Variants in AAK1 observed in about 807,000 individuals in gnomAD.
The protein encoded by AAK1 is AP2-associated protein kinase 1.
AAK1 carries 37 observed loss-of-function variants against 116.0 expected under a neutral mutation model. The ratio of observed to expected loss-of-function variants is 0.32; its 90% confidence interval spans 0.25 to 0.42. AAK1 has a LOEUF of 0.42. Among genes scored for constraint, AAK1 ranks in the 10% least tolerant of loss-of-function variants. The pLI is 1.00. For missense variants in AAK1, 919 were observed against 1,170.6 expected, an observed-to-expected ratio of 0.79 and a Z score of 3.14; for synonymous variants, 458 against 439.9, an observed-to-expected ratio of 1.04 and a Z score of -0.51.
chr2:69,519,118 T>C lies in AAK1; in HGVS notation c.1333A>G (p.Thr445Ala). 1 of 1,557,936 alleles carries C rather than the reference T, an allele frequency of 6.4e-7. No homozygotes were observed. The highest frequency in any genetic ancestry group is 1.7e-4 in the Middle Eastern group (1 of 6,002). The change falls in exon 12 of 22, where the codon ACG becomes GCG. Residue 445 changes from threonine to alanine, a missense_variant. By Grantham distance (58) the Thr-to-Ala change is moderately conservative. This residue lies in a region of AAK1 where 214 missense variants were observed against 210.6 expected (regional missense o/e 1.02). Transcript: ENST00000409085. ...AGACCCTGGGCCTGAGTAGAAGGCGTCTGCTGTGGAGTGGGAGGAGCCTGT... is the reference window on the plus strand; with the variant it reads ...AGACCCTGGGCCTGAGTAGAAGGCGCCTGCTGTGGAGTGGGAGGAGCCTGT... ...QPQAPPTPQQ[T>A]PSTQAQGLPA...
At chr2:69,560,162 A>G (rs775707233) in intron 2 of AAK1, among the ~76,000 whole-genome samples, 2 of 152,252 alleles carry the variant, frequency 1.3e-5, no homozygotes, top group Non-Finnish European at 2.9e-5. Flanking sequence ...GCCTAACAGG[A>G]CTTGTCAGTC....
At chr2:69,570,299 T>C (rs573646601) in intron 2 of AAK1, among the ~76,000 whole-genome samples, 1 of 151,810 alleles carries the variant, frequency 6.6e-6, no homozygotes, top group Non-Finnish European at 1.5e-5. Context: ...AGTCTTCTGC[T>C]TGACAAAATG....
At chr2:69,640,739 C>T (rs3899666) in intron 2 of AAK1, among the ~76,000 whole-genome samples, 56,429 of 152,104 alleles carry the variant, frequency 0.37, 11,781 homozygotes, top group East Asian at 0.78. Context: ...CATTCTCTCT[C>T]GCTACTCTGT....
intron 16 of AAK1, 80 bp downstream of exon 16, chr2:69,505,489 G>T: frequency 1.9e-6 from 2 of 1,074,372 alleles, no homozygotes; most frequent in Non-Finnish European, 2.8e-6. Context: ...TCACTGGCAT[G>T]CTAGAGTTAT....
At chr2:69,623,106 A>C (rs1278080176) in intron 2 of AAK1, among the ~76,000 whole-genome samples, 1 of 152,090 alleles carries the variant, frequency 6.6e-6, no homozygotes, top group Non-Finnish European at 1.5e-5. Flanking sequence ...TTGGGTCCAC[A>C]CTGCCTTTAT....
chr2:69,583,697 C>T (rs1672639356), intron 2 of AAK1, among the ~76,000 whole-genome samples: 3 of 152,204 alleles, frequency 2.0e-5, no homozygotes, highest in Admixed American at 2.0e-4. Context: ...TCACCTGCCA[C>T]TTTCTTGATA....
chr2:69,595,009 C>A, intron 2 of AAK1: 2 of 758,142 alleles, frequency 2.6e-6, no homozygotes, highest in Non-Finnish European at 4.8e-6. Flanking sequence ...GGGGTTGGTG[C>A]TTGCCACACT....
intron 2 of AAK1, among the ~76,000 whole-genome samples, chr2:69,625,221 C>T (rs926437184): frequency 2.0e-5 from 3 of 152,180 alleles, no homozygotes; most frequent in Admixed American, 2.0e-4. Context: ...CATCCAGTGT[C>T]CAGTCCACAG....
chr2:69,572,655 T>C (rs544393513), intron 2 of AAK1, among the ~76,000 whole-genome samples: 38 of 150,962 alleles, frequency 2.5e-4, no homozygotes, highest in Non-Finnish European at 3.7e-4. Context: ...CATACAAATA[T>C]TCTTTATCTT....
chr2:69,628,263 T>C (rs1223731957), intron 2 of AAK1, among the ~76,000 whole-genome samples: 3 of 151,132 alleles, frequency 2.0e-5, no homozygotes, highest in Non-Finnish European at 4.4e-5. Context: ...CTGGGCAACA[T>C]AGCAAAACCC....
In AAK1 at chr2:69,473,907, A is replaced by G. The variant is rs1479589645; in HGVS notation, c.*1962T>C. 1.0e-6 allele frequency: 1 copy of G among 985,718 alleles called. No homozygotes were observed. The highest frequency in any genetic ancestry group is 1.7e-5 in the African/African-American group (1 of 57,234). 61.1% of individuals were successfully genotyped at this position (985,718 alleles called of 1,614,324 possible). On this transcript the variant is annotated 3_prime_UTR_variant, in exon 22 of 22. Coordinates refer to ENST00000409085, the MANE Select transcript of AAK1 (RefSeq NM_014911.5). ...TAAACCAAGTCCTATTTTCACTGCT[A>G]TCCAACCACAGAGAGCCCTTCGTGG...
At chr2:69,489,850 T>C (rs934633445) in intron 17 of AAK1, among the ~76,000 whole-genome samples, 20 of 152,182 alleles carry the variant, frequency 1.3e-4, no homozygotes, top group African/African-American at 4.8e-4. Context: ...CAAGTTCATT[T>C]TAGAGAATTA....
In AAK1 at chr2:69,468,998, A is replaced by G. The variant is rs773164058; in HGVS notation, c.*6871T>C. ...CAAAAACAGTCACAAAAACACCAGA[A>G]TATCAAGTTTGAAGGGAAAATTAGT... is the stretch of plus-strand genomic sequence containing the variant. On this transcript the variant is annotated 3_prime_UTR_variant, in exon 22 of 22. Coordinates refer to ENST00000409085, the MANE Select transcript of AAK1 (RefSeq NM_014911.5). 76 of 985,462 alleles carry G rather than the reference A, an allele frequency of 7.7e-5. No homozygotes were observed. The highest frequency in any genetic ancestry group is 7.7e-5 in the Non-Finnish European group (64 of 829,934). The allele number at this position is 985,462 out of a possible 1,614,324, so 61.0% of individuals were successfully genotyped here. A position where few individuals can be genotyped will look rare whatever the true frequency, so the allele number is the denominator to read the frequency against.
intron 13 of AAK1, among the ~76,000 whole-genome samples, chr2:69,513,990 GGTAAGCAGGCCCTT>G (rs1676488232): frequency 6.6e-6 from 1 of 152,194 alleles, no homozygotes; most frequent in Non-Finnish European, 1.5e-5. Context: ...AATGGTCTCA[GGTAAGCAGGCCCTT>G]GACGGGAGCT....
At chr2:69,598,516 C>CTT in intron 2 of AAK1, 2 of 149,642 alleles carry the variant, frequency 1.3e-5, no homozygotes, top group Non-Finnish European at 3.0e-5. Context: ...TTTTCTTTTT[C>CTT]TTTTTTTTTT....
intron 2 of AAK1, among the ~76,000 whole-genome samples, chr2:69,583,729 A>T (rs6723865): frequency 0.028 from 4,257 of 152,124 alleles, 209 homozygotes; most frequent in African/African-American, 0.097. Context: ...TTTTCATCTG[A>T]TTCTTGGCCC....
At chr2:69,594,230 T>C (rs1371096001) in intron 2 of AAK1, among the ~76,000 whole-genome samples, 2 of 152,162 alleles carry the variant, frequency 1.3e-5, no homozygotes, top group Non-Finnish European at 2.9e-5. Flanking sequence ...ATAACACATA[T>C]ATCCAAAGAC....
intron 2 of AAK1, among the ~76,000 whole-genome samples, chr2:69,641,452 A>T (rs1322476634): frequency 6.6e-6 from 1 of 152,226 alleles, no homozygotes; most frequent in African/African-American, 2.4e-5. Flanking sequence ...CACGGGAAAG[A>T]TCCAAGGGGA....
intron 2 of AAK1, among the ~76,000 whole-genome samples, chr2:69,557,219 AAAG>A (rs1215942428): frequency 1.3e-5 from 2 of 152,200 alleles, no homozygotes; most frequent in Admixed American, 1.3e-4. Context: ...TAGGATAACA[AAAG>A]AATAGTAATT....
Sources: allele counts gnomAD v4.1 joint callset (sites outside exome capture counted in the v4.1 genomes callset), GRCh38; gene constraint gnomAD v4.1.1; regional missense constraint gnomAD v4.1.1; transcripts MANE v1.5; gene names NCBI Gene and HGNC (gene_info 2026-07-23, HGNC 2026-07-21).